PCDHGA2: variants seen among roughly 807,000 people sequenced by gnomAD.
The protein encoded by PCDHGA2 is protocadherin gamma subfamily A, 2, also known as protocadherin gamma-A2.
Under a neutral mutation model 59.2 loss-of-function variants are expected in PCDHGA2, and 40 were observed. The observed-to-expected ratio is 0.68, with a 90% confidence interval of 0.52 to 0.88. PCDHGA2 has a LOEUF of 0.88. Among genes scored for constraint, PCDHGA2 ranks in the 40% least tolerant of loss-of-function variants. PCDHGA2 has a pLI of 0.00. For synonymous variants in PCDHGA2, 560 were observed against 526.0 expected, an observed-to-expected ratio of 1.06 and a Z score of -0.89; for missense variants, 1,226 against 1,204.0, an observed-to-expected ratio of 1.02 and a Z score of -0.27.
chr5:141,431,023 C>G lies in PCDHGA2; in HGVS notation c.2425-63784C>G. 6.2e-7 allele frequency: 1 copy of G among 1,613,748 alleles called. No homozygotes were observed. Among genetic ancestry groups the G allele is most frequent in the Non-Finnish European group, 8.5e-7 (1 of 1,179,820 alleles). On this transcript the variant is annotated intron_variant, in intron 1 of 3. Transcript: ENST00000394576. This position sits in a 1 kb window ranked among gnomAD's most constrained non-coding sequence, Gnocchi z 4.8. ...GCAGCGGCAGCTTGGTCACGGCGGG[C>G]AGGATAGACCGGGAGGAGCTCTGTA...
intron 2 of PCDHGA2, among the ~76,000 whole-genome samples, chr5:141,499,984 G>A (rs1350203006): frequency 6.6e-6 from 1 of 151,872 alleles, no homozygotes; most frequent in East Asian, 1.9e-4. Context: ...CACCTTGCCC[G>A]GCCAGATGAT....
chr5:141,341,350 G>A lies in PCDHGA2; in HGVS notation c.2379G>A (p.Ala793=). The change falls in exon 1 of 4, where the codon GCG becomes GCA. Residue 793 remains alanine (A), a synonymous_variant. Transcript: ENST00000394576. The part of the protein sequence containing the change: ...ESCEKKDFLS[A]PQSLLEEERE... ...GTGAGAAAAAGGATTTTTTATCAGC[G>A]CCTCAATCTCTACTCGAAGAAGAAA... 1.2e-6 allele frequency: 2 copies of A among 1,614,110 alleles called. No individual in the cohort carries two copies. The highest frequency in any genetic ancestry group is 2.2e-5 in the East Asian group (1 of 44,894).
intron 1 of PCDHGA2, among the ~76,000 whole-genome samples, chr5:141,482,056 G>A (rs1271837619): frequency 1.3e-5 from 2 of 149,012 alleles, no homozygotes; most frequent in Non-Finnish European, 3.0e-5. Context: ...TTGCATTCCA[G>A]CCTGGGCAAC....
chr5:141,345,742 A>G, intron 1 of PCDHGA2: 5 of 1,614,140 alleles, frequency 3.1e-6, no homozygotes, highest in Non-Finnish European at 4.2e-6. Flanking sequence ...CTCCCCACAG[A>G]CGGTTCCACT....
chr5:141,375,003 T>C lies in PCDHGA2; in HGVS notation c.2424+33608T>C, dbSNP rs376283841. The C allele has an allele frequency of 7.7e-5, 124 of 1,613,936 alleles. No individual in the cohort carries two copies. Among genetic ancestry groups the C allele is most frequent in the Non-Finnish European group, 1.0e-4 (120 of 1,179,910 alleles). The stretch of plus-strand genomic sequence containing the variant: ...GGAGAAATTTCAACTTCTGCAAATC[T>C]AGACTATGAGGACTCGAGTTTTTAT... On this transcript the variant is annotated intron_variant, in intron 1 of 3. Transcript: ENST00000394576.
Position 141,384,065 on chromosome 5 carries a change from A to G in PCDHGA2, c.2424+42670A>G, listed in dbSNP as rs1209284047. ...GAGGTGACCTGCACCATTCCAGAAAACCTACCTTTTAAATTAGAAAAATCA... is the reference window on the plus strand; with the variant it reads ...GAGGTGACCTGCACCATTCCAGAAAGCCTACCTTTTAAATTAGAAAAATCA... On this transcript the variant is annotated intron_variant, in intron 1 of 3. Transcript: ENST00000394576. 2 of 1,607,382 alleles carry G rather than the reference A, an allele frequency of 1.2e-6. No individual in the cohort carries two copies. The highest frequency in any genetic ancestry group is 1.7e-5 in the Admixed American group (1 of 58,998).
intron 1 of PCDHGA2, among the ~76,000 whole-genome samples, chr5:141,437,364 T>C (rs1026384836): frequency 6.6e-6 from 1 of 152,232 alleles, no homozygotes; most frequent in African/African-American, 2.4e-5. Flanking sequence ...AAAATTGGAA[T>C]GTAATCAGTC....
intron 1 of PCDHGA2, among the ~76,000 whole-genome samples, chr5:141,445,711 G>A (rs978623618): frequency 1.3e-5 from 2 of 152,202 alleles, no homozygotes; most frequent in African/African-American, 4.8e-5. Context: ...TTGTCAGGCA[G>A]AGGAAATAGC....
At chr5:141,352,953 AC>A (rs1759152572) in intron 1 of PCDHGA2, among the ~76,000 whole-genome samples, 2 of 152,042 alleles carry the variant, frequency 1.3e-5, no homozygotes, top group Admixed American at 6.6e-5. Context: ...GTGCCACTGC[AC>A]TCCAGCCTGG....
intron 1 of PCDHGA2, chr5:141,423,165 C>G: frequency 6.2e-7 from 1 of 1,613,434 alleles, no homozygotes; most frequent in Non-Finnish European, 8.5e-7. Context: ...TCGTGGTGGC[C>G]GTCCAGGACC....
intron 1 of PCDHGA2, chr5:141,383,187 C>CGGGAAGA: frequency 6.2e-7 from 1 of 1,614,076 alleles, no homozygotes; most frequent in Non-Finnish European, 8.5e-7. Context: ...AAGAGATCTG[C>CGGGAAGA]GCTCAGAGTG....
At position 141,486,493 on chromosome 5, in the gene PCDHGA2, T is replaced by C. The variant is rs761905572; in HGVS notation, c.2425-8314T>C. The C allele has an allele frequency of 1.2e-6, 2 of 1,614,136 alleles. No homozygotes were observed. The highest frequency in any genetic ancestry group is 1.7e-6 in the Non-Finnish European group (2 of 1,179,960). Reference sequence around the variant, plus strand: ...ACCCTCCTCTCAGTACCCACAGAACTATTTTCCTCAATATTTCAGATGTGA... The same window carrying C: ...ACCCTCCTCTCAGTACCCACAGAACCATTTTCCTCAATATTTCAGATGTGA... On this transcript the variant is annotated intron_variant, in intron 1 of 3. Transcript: ENST00000394576. The surrounding 1 kb of genome is among the most constrained non-coding windows in gnomAD (Gnocchi z 5.0).
chr5:141,431,770 T>A lies in PCDHGA2; in HGVS notation c.2425-63037T>A, dbSNP rs748816389. 7 of 1,614,086 alleles carry A rather than the reference T, an allele frequency of 4.3e-6. No homozygotes were observed. The highest frequency in any genetic ancestry group is 1.3e-5 in the African/African-American group (1 of 74,938). ...CGCGAGCCAAAGTCCTGATCACTGT[T>A]CTGGACGTGAACGACAATGCCCCAG... On this transcript the variant is annotated intron_variant, in intron 1 of 3. Coordinates refer to ENST00000394576, the MANE Select transcript of PCDHGA2 (RefSeq NM_018915.4). This position sits in a 1 kb window ranked among gnomAD's most constrained non-coding sequence, Gnocchi z 4.8.
chr5:141,496,276 G>C (rs1189269883), intron 2 of PCDHGA2, among the ~76,000 whole-genome samples: 1 of 152,204 alleles, frequency 6.6e-6, no homozygotes, highest in Admixed American at 6.5e-5. Flanking sequence ...AAGACCTTCA[G>C]TTGGTCTGAG....
chr5:141,476,016 G>A lies in PCDHGA2; in HGVS notation c.2425-18791G>A. 7.4e-7 allele frequency: 1 copy of A among 1,359,386 alleles called. No individual in the cohort carries two copies. 84.2% of individuals were successfully genotyped at this position (1,359,386 alleles called of 1,614,324 possible). A position where few individuals can be genotyped will look rare whatever the true frequency, so the allele number is the denominator to read the frequency against. On this transcript the variant is annotated intron_variant, in intron 1 of 3. Coordinates refer to ENST00000394576, the MANE Select transcript of PCDHGA2 (RefSeq NM_018915.4). This position sits in a 1 kb window ranked among gnomAD's most constrained non-coding sequence, Gnocchi z 7.6. ...TCAACGGCATCCAGAAAGCCATGTC[G>A]GACTCGGCGCCCAGCGCCCAAGCGC...
intron 1 of PCDHGA2, among the ~76,000 whole-genome samples, chr5:141,483,834 A>G (rs2154580001): frequency 6.6e-6 from 1 of 152,212 alleles, no homozygotes; most frequent in South Asian, 2.1e-4. Flanking sequence ...CTAGGTAAGG[A>G]CTTGGTTGAA....
chr5:141,387,669 TCTC>T lies in PCDHGA2; in HGVS notation c.2424+46278_2424+46280del, dbSNP rs61279892. 2,271 of 693,780 alleles carry T rather than the reference TCTC, an allele frequency of 3.3e-3. 45 individuals are homozygous for T. In the African/African-American group the frequency reaches 0.034, roughly 10 times the overall value. 43.0% of individuals were successfully genotyped at this position (693,780 alleles called of 1,614,324 possible). A position where few individuals can be genotyped will look rare whatever the true frequency, so the allele number is the denominator to read the frequency against. ...AAAGTGGAGAGCTTGGCGCTCCAGA[TCTC>T]CTCGCGCAGCCGCAGCGCGCTTTCC... On this transcript the variant is annotated intron_variant, in intron 1 of 3. Coordinates refer to ENST00000394576, the MANE Select transcript of PCDHGA2 (RefSeq NM_018915.4).
intron 1 of PCDHGA2, among the ~76,000 whole-genome samples, chr5:141,461,233 G>T (rs2099011336): frequency 6.6e-6 from 1 of 152,028 alleles, no homozygotes; most frequent in East Asian, 1.9e-4. Context: ...CATAGAGGTT[G>T]TACTAATTTA....
chr5:141,478,292 C>T, intron 1 of PCDHGA2: 1 of 1,614,146 alleles, frequency 6.2e-7, no homozygotes, highest in Non-Finnish European at 8.5e-7. Flanking sequence ...GTCTAGAGAC[C>T]TATACCGAGC....
Sources: allele counts gnomAD v4.1 joint callset (sites outside exome capture counted in the v4.1 genomes callset), GRCh38; gene constraint gnomAD v4.1.1; non-coding constraint Gnocchi (gnomAD v3.1); transcripts MANE v1.5; gene names NCBI Gene and HGNC (gene_info 2026-07-23, HGNC 2026-07-21).